Variants in CPNE8 observed in about 807,000 individuals in gnomAD.
The protein encoded by CPNE8 is copine 8, also known as copine-8.
CPNE8 carries 45 observed loss-of-function variants against 81.5 expected under a neutral mutation model. That is an observed-to-expected ratio of 0.55 (90% CI 0.44 to 0.71). The LOEUF is 0.71. Ranked by LOEUF, CPNE8 falls within the 30% of genes least tolerant of loss-of-function variation. CPNE8 has a pLI of 0.00. For synonymous variants in CPNE8, 252 were observed against 226.3 expected, an observed-to-expected ratio of 1.11 and a Z score of -1.02; for missense variants, 594 against 672.1, an observed-to-expected ratio of 0.88 and a Z score of 1.28.
chr12:38,826,499 C>G (rs1943194955), intron 6 of CPNE8, among the ~76,000 whole-genome samples: 1 of 152,144 alleles, frequency 6.6e-6, no homozygotes, highest in Non-Finnish European at 1.5e-5. Context: ...TAAATCTCAT[C>G]CTTTCTGATT....
In CPNE8 at chr12:38,783,736, C is replaced by T. The variant is rs1429187689; in HGVS notation, c.408-7435G>A. On this transcript the variant is annotated intron_variant, in intron 6 of 19. Coordinates refer to ENST00000331366, the MANE Select transcript of CPNE8 (RefSeq NM_153634.3). ...GAACAAGAGTCTCTGCCAGGTAATCCAAAGAACTCTTACAGATTTTGTCCA... is the reference window on the plus strand; with the variant it reads ...GAACAAGAGTCTCTGCCAGGTAATCTAAAGAACTCTTACAGATTTTGTCCA... Among the ~76,000 whole-genome samples the T allele has an allele frequency of 2.6e-5, 4 of 152,122 alleles. 1 individual carries two copies. The highest frequency in any genetic ancestry group is 2.6e-4 in the Admixed American group (4 of 15,258).
At chr12:38,771,827 A>G (rs1941811336) in intron 7 of CPNE8, among the ~76,000 whole-genome samples, 1 of 152,182 alleles carries the variant, frequency 6.6e-6, no homozygotes, top group African/African-American at 2.4e-5. Flanking sequence ...GCATCAAACT[A>G]CAAAGCTTCT....
chr12:38,842,113 C>A (rs770340708), intron 4 of CPNE8, among the ~76,000 whole-genome samples: 36 of 151,626 alleles, frequency 2.4e-4, no homozygotes, highest in Non-Finnish European at 4.0e-4. Flanking sequence ...GCATTCTGAG[C>A]ACTTTCAACA....
At chr12:38,866,868 AT>A (rs954744896) in intron 3 of CPNE8, among the ~76,000 whole-genome samples, 11 of 151,414 alleles carry the variant, frequency 7.3e-5, no homozygotes, top group East Asian at 3.9e-4. Context: ...TTAATTGAAC[AT>A]TTTTTTTTAA....
chr12:38,786,285 G>T (rs944907013), intron 6 of CPNE8, among the ~76,000 whole-genome samples: 1 of 152,068 alleles, frequency 6.6e-6, no homozygotes, highest in African/African-American at 2.4e-5. Flanking sequence ...ATTGATCCTG[G>T]GTGTGTGTGT....
chr12:38,733,563 T>A (rs1940885508), intron 10 of CPNE8, among the ~76,000 whole-genome samples: 1 of 151,536 alleles, frequency 6.6e-6, no homozygotes, highest in South Asian at 2.1e-4. Context: ...TAATTATAAC[T>A]AAAATAATTA....
At chr12:38,799,928 C>T (rs1418346984) in intron 6 of CPNE8, among the ~76,000 whole-genome samples, 2 of 151,484 alleles carry the variant, frequency 1.3e-5, no homozygotes, top group South Asian at 2.1e-4. Context: ...CACTCCCACC[C>T]GAATATTGCG....
At chr12:38,854,151 C>T (rs941196058) in intron 3 of CPNE8, among the ~76,000 whole-genome samples, 1 of 151,830 alleles carries the variant, frequency 6.6e-6, no homozygotes, top group Non-Finnish European at 1.5e-5. Context: ...TCTAAAACCG[C>T]AATTTAGGAC....
intron 13 of CPNE8, 44 bp downstream of exon 13, chr12:38,723,728 T>C (rs756668517): frequency 1.6e-6 from 2 of 1,236,154 alleles, no homozygotes; most frequent in East Asian, 2.3e-5. Flanking sequence ...ACACAAATTT[T>C]AGGAAATGCC....
intron 6 of CPNE8, among the ~76,000 whole-genome samples, chr12:38,793,878 C>A (rs1407947008): frequency 6.6e-6 from 1 of 152,014 alleles, no homozygotes; most frequent in African/African-American, 2.4e-5. Flanking sequence ...GACAAATAGA[C>A]TAATGACATA....
intron 15 of CPNE8, among the ~76,000 whole-genome samples, chr12:38,690,087 T>C (rs1476248964): frequency 6.6e-6 from 1 of 152,142 alleles, no homozygotes; most frequent in Non-Finnish European, 1.5e-5. Context: ...ATTTAAGTTG[T>C]TAAGAAGACT....
At chr12:38,849,822 G>C (rs140808215) in intron 3 of CPNE8, among the ~76,000 whole-genome samples, 173 of 152,288 alleles carry the variant, frequency 1.1e-3, no homozygotes, top group Non-Finnish European at 2.0e-3. Context: ...ACAGCCACCA[G>C]TTATTGAGTA....
chr12:38,716,814 C>T (rs1349337052), intron 13 of CPNE8, among the ~76,000 whole-genome samples: 1 of 152,078 alleles, frequency 6.6e-6, no homozygotes, highest in Non-Finnish European at 1.5e-5. Context: ...CAAAAAGCTT[C>T]TGTACAGCCA....
intron 3 of CPNE8, among the ~76,000 whole-genome samples, chr12:38,851,828 C>A (rs377762759): frequency 6.6e-6 from 1 of 152,164 alleles, no homozygotes; most frequent in African/African-American, 2.4e-5. Context: ...CTATTTTCCT[C>A]TCTAACCTCA....
chr12:38,785,189 GAAA>G (rs1191300015), intron 6 of CPNE8, among the ~76,000 whole-genome samples: 2 of 98,094 alleles, frequency 2.0e-5, no homozygotes, highest in Non-Finnish European at 4.2e-5. Context: ...CTCTGTCTCT[GAAA>G]AAAAAAAAAA....
At chr12:38,663,292 C>G (rs1938998463) in intron 19 of CPNE8, among the ~76,000 whole-genome samples, 1 of 151,560 alleles carries the variant, frequency 6.6e-6, no homozygotes, top group Non-Finnish European at 1.5e-5. Context: ...AAACAAAAAA[C>G]AAAAACAAAC....
intron 1 of CPNE8, among the ~76,000 whole-genome samples, chr12:38,875,654 A>G (rs1162211936): frequency 6.6e-6 from 1 of 152,164 alleles, no homozygotes; most frequent in East Asian, 1.9e-4. Flanking sequence ...CCATTGAATC[A>G]CTATACACTG....
chr12:38,677,633 A>G, intron 16 of CPNE8, 79 bp from the exon 17 acceptor site: 1 of 783,390 alleles, frequency 1.3e-6, no homozygotes, highest in East Asian at 2.6e-5. Context: ...TGGAATAGTT[A>G]ACAAACATTT....
chr12:38,879,522 CTT>C (rs1944119528), intron 1 of CPNE8, among the ~76,000 whole-genome samples: 1 of 151,992 alleles, frequency 6.6e-6, no homozygotes, highest in South Asian at 2.1e-4. Flanking sequence ...AAAATAAAAA[CTT>C]TGAATTCTTC....
Sources: gnomAD v4.1 joint callset for allele counts (sites outside exome capture counted in the v4.1 genomes callset) on GRCh38, gnomAD v4.1.1 for gene constraint, MANE v1.5 for transcripts, NCBI Gene and HGNC (gene_info 2026-07-23, HGNC 2026-07-21) for gene names.